The following DECR1 variants were observed in gnomAD, a reference collection of about 807,000 sequenced individuals.
The protein encoded by DECR1 is 2,4-dienoyl-CoA reductase 1, also known as 2,4-dienoyl-CoA reductase [(3E)-enoyl-CoA-producing], mitochondrial.
In DECR1, 44 loss-of-function variants were observed where a neutral mutation model predicts 38.8. That is an observed-to-expected ratio of 1.13 (90% CI 0.89 to 1.46). The LOEUF (loss-of-function observed/expected upper bound fraction) is 1.46, where lower values mean the gene tolerates loss of function less well. Among genes scored for constraint, DECR1 ranks in the 40% most tolerant of loss-of-function variants. The probability of loss-of-function intolerance (pLI) is 0.00; values close to 1 mark genes in which losing one functional copy is unlikely to be tolerated. For synonymous variants in DECR1, 148 were observed against 135.2 expected (o/e 1.09, Z -0.66); for missense variants, 428 against 405.5 (o/e 1.06, Z -0.48).
chr8:90,001,590 G>GGC (rs771819478), intron 1 of DECR1, 29 bp downstream of exon 1: 26 of 1,601,804 alleles, frequency 1.6e-5, no homozygotes, highest in Non-Finnish European at 2.1e-5. Context: ...CGGGGAGCGA[G>GGC]GACAGGGCGT....
intron 1 of DECR1, among the ~76,000 whole-genome samples, chr8:90,006,646 C>T (rs1490874973): frequency 6.6e-6 from 1 of 151,996 alleles, no homozygotes; most frequent in African/African-American, 2.4e-5. Flanking sequence ...AAATCAGAGG[C>T]CTTGGTGATT....
chr8:90,040,445 A>G (rs1813729026), intron 6 of DECR1, among the ~76,000 whole-genome samples: 1 of 152,182 alleles, frequency 6.6e-6, no homozygotes, highest in South Asian at 2.1e-4. Flanking sequence ...TAAGACTATT[A>G]ACGGATGTCT....
intron 5 of DECR1, among the ~76,000 whole-genome samples, chr8:90,033,507 C>A (rs1813546536): frequency 6.6e-6 from 1 of 152,118 alleles, no homozygotes; most frequent in Admixed American, 6.6e-5. Flanking sequence ...GTGACTAACC[C>A]TGGGGATCTA....
intron 8 of DECR1, among the ~76,000 whole-genome samples, chr8:90,048,378 C>T (rs1404833632): frequency 6.6e-6 from 1 of 152,122 alleles, no homozygotes; most frequent in African/African-American, 2.4e-5. Context: ...CACAGAGATA[C>T]AAACTCCCAT....
At chr8:90,028,096 T>G (rs147057143) in intron 5 of DECR1, among the ~76,000 whole-genome samples, 216 of 152,286 alleles carry the variant, frequency 1.4e-3, no homozygotes, top group African/African-American at 4.8e-3. Context: ...ATGCAGATGT[T>G]ACCTCGTCCT....
intron 6 of DECR1, chr8:90,042,440 G>T (rs1813784176): frequency 2.8e-6 from 1 of 361,804 alleles, no homozygotes; most frequent in East Asian, 4.9e-5. Context: ...TAGCATAGTG[G>T]TTAAGGACAC....
In DECR1 at chr8:90,019,089, C is replaced by A; in HGVS notation, c.334C>A (p.His112Asn). 2 of 1,613,834 alleles carry A rather than the reference C, an allele frequency of 1.2e-6. No homozygotes were observed. The highest frequency in any genetic ancestry group is 1.6e-4 in the Middle Eastern group (1 of 6,062). Residue 112 changes from histidine (H) to asparagine (N), a missense_variant, in exon 4 of 10, where the codon CAT (histidine) becomes AAT (asparagine). Physicochemically the swap from His to Asn is moderately conservative, Grantham distance 68. Coordinates refer to ENST00000220764, the MANE Select transcript of DECR1 (RefSeq NM_001359.2). ...QISSQTGNKV[H>N]AIQCDVRDPD... is the part of the protein sequence containing the mutation. ...TATTCTTTTTGTTATTTTGCAGGTT[C>A]ATGCAATTCAGTGTGATGTGAGGGA...
intron 6 of DECR1, 173 bp downstream of exon 6, chr8:90,037,113 C>G: frequency 1.8e-6 from 1 of 551,400 alleles, no homozygotes; most frequent in Non-Finnish European, 3.3e-6. Context: ...TATAGCAGCG[C>G]TGTCCTGTGG....
At chr8:90,042,663 G>A in intron 6 of DECR1, 65 bp from the exon 7 acceptor site, 1 of 1,388,466 alleles carries the variant, frequency 7.2e-7, no homozygotes. Flanking sequence ...GTGAGTCTCA[G>A]TTATTACTGT....
rs111588737 is a variant in DECR1 at position 90,031,824 on chromosome 8, A to G, written c.566-5017A>G. Among the ~76,000 whole-genome samples the G allele has an allele frequency of 2.5e-3, 383 of 152,276 alleles. 3 individuals carry two copies. The highest frequency in any genetic ancestry group is 8.1e-3 in the African/African-American group (335 of 41,558). On this transcript the variant is annotated intron_variant, in intron 5 of 9. Transcript: ENST00000220764. ...GTTCAGTGTTGCTTATATGTGACAT[A>G]TAATGCCTGGAGGGGTAGGAGATGA... is the stretch of plus-strand genomic sequence containing the variant.
chr8:90,006,356 A>C, intron 1 of DECR1: 1 of 703,420 alleles, frequency 1.4e-6, no homozygotes, highest in Non-Finnish European at 2.6e-6. Context: ...GAGTTAGCCA[A>C]AGGGAGAGAT....
In DECR1 at chr8:90,017,221, G is replaced by A. The variant is rs765301326; in HGVS notation, c.167G>A (p.Ser56Asn). 11 of 1,613,986 alleles carry A rather than the reference G, an allele frequency of 6.8e-6. No individual in the cohort carries two copies. In the Admixed American group the frequency reaches 1.8e-4, roughly 27 times the overall value. The part of the protein sequence containing the change: ...PLQKAMLPPN[S>N]FQGKVAFITG... ...CAAAAAGCGATGCTACCACCTAATA[G>A]TTTTCAAGGAAAAGTGGCATTCATT... is the stretch of plus-strand genomic sequence containing the variant. The change falls in exon 2 of 10, where the codon AGT (serine) becomes AAT (asparagine). Residue 56 changes from serine to asparagine, a missense_variant. Coordinates refer to ENST00000220764, the MANE Select transcript of DECR1 (RefSeq NM_001359.2).
At chr8:90,001,603 C>T (rs1325388241) in intron 1 of DECR1, 42 bp downstream of exon 1, 5 of 1,569,360 alleles carry the variant, frequency 3.2e-6, no homozygotes, top group East Asian at 2.3e-5. Flanking sequence ...CAGGGCGTCT[C>T]GACGCGCAAA....
At chr8:90,006,273 G>C (rs939485994) in intron 1 of DECR1, 1 of 704,126 alleles carries the variant, frequency 1.4e-6, no homozygotes, top group Admixed American at 2.0e-5. Context: ...CTGCTCATGG[G>C]GGAGGTATGT....
chr8:90,039,638 A>G (rs1398481721), intron 6 of DECR1, among the ~76,000 whole-genome samples: 1 of 152,198 alleles, frequency 6.6e-6, no homozygotes, highest in African/African-American at 2.4e-5. Flanking sequence ...TGCCTCTTGC[A>G]GCAAACTCCT....
intron 8 of DECR1, among the ~76,000 whole-genome samples, chr8:90,045,333 T>C (rs1041145582): frequency 2.0e-5 from 3 of 152,086 alleles, no homozygotes; most frequent in African/African-American, 7.2e-5. Context: ...CCCACCCTAA[T>C]ACTGCACTTT....
intron 1 of DECR1, among the ~76,000 whole-genome samples, chr8:90,011,586 TA>T (rs2130019919): frequency 6.6e-6 from 1 of 152,328 alleles, no homozygotes; most frequent in East Asian, 1.9e-4. Flanking sequence ...CATGAACATA[TA>T]ATGTCTTTTT....
intron 8 of DECR1, among the ~76,000 whole-genome samples, chr8:90,045,340 C>T (rs1427706116): frequency 6.6e-6 from 1 of 152,060 alleles, no homozygotes; most frequent in Non-Finnish European, 1.5e-5. Flanking sequence ...TAATACTGCA[C>T]TTTTCCAATG....
rs1478232302 is a variant in DECR1 at position 90,051,716 on chromosome 8, G to C, written c.925G>C (p.Gly309Arg). The change falls in exon 9 of 10, where the codon GGG (glycine) becomes CGG (arginine). Residue 309 changes from glycine to arginine, a missense_variant. Gly to Arg is a moderately radical substitution (Grantham distance 125, BLOSUM62 -2). Coordinates refer to ENST00000220764, the MANE Select transcript of DECR1 (RefSeq NM_001359.2). ...CGGTGGAGAGGAAGTACTTATTTCAGGGGAATTCAACGACCTGAGAAAGGT... is the reference window on the plus strand; with the variant it reads ...CGGTGGAGAGGAAGTACTTATTTCACGGGAATTCAACGACCTGAGAAAGGT... Reference protein sequence around the residue: ...FDGGEEVLISGEFNDLRKVTK... With the variant: ...FDGGEEVLISREFNDLRKVTK... 1 of 1,612,856 alleles carries C rather than the reference G, an allele frequency of 6.2e-7. No individual in the cohort carries two copies. Among genetic ancestry groups the C allele is most frequent in the African/African-American group, 1.3e-5 (1 of 74,890 alleles).
Sources: allele counts gnomAD v4.1 joint callset (sites outside exome capture counted in the v4.1 genomes callset), GRCh38; gene constraint gnomAD v4.1.1; transcripts MANE v1.5; gene names NCBI Gene and HGNC (gene_info 2026-07-23, HGNC 2026-07-21).